The following CCDC33 variants were observed in gnomAD, a reference collection of about 807,000 sequenced individuals.
The protein encoded by CCDC33 is coiled-coil domain containing 33.
A neutral mutation model predicts 91.9 loss-of-function variants in CCDC33; 94 were observed. The ratio of observed to expected loss-of-function variants is 1.02; its 90% CI spans 0.87 to 1.21. The LOEUF is 1.21. Among genes scored for constraint, CCDC33 ranks in the 50% most tolerant of loss-of-function variants. The pLI is 0.00. For synonymous variants in CCDC33, 396 were observed against 374.5 expected (o/e 1.06, Z -0.66); for missense variants, 940 against 935.5 (o/e 1.00, Z -0.06).
chr15:74,258,645 CGCATGTGTGT>C (rs1174210765), intron 2 of CCDC33, among the ~76,000 whole-genome samples: 3 of 151,966 alleles, frequency 2.0e-5, no homozygotes, highest in South Asian at 2.1e-4. Context: ...TGCATTTGTG[CGCATGTGTGT>C]GCATGTGTGT....
rs2059339508 is a variant in CCDC33 at position 74,280,564 on chromosome 15, A to G, written c.890-104A>G. On this transcript the variant is annotated intron_variant, in intron 8 of 18. Transcript: ENST00000398814. ...TATGTGCAGGGAAAGGCCAGGAGGC[A>G]GGAAAGCAGGCAGCGGGAGACAGGA... 13 of 1,336,528 alleles carry G rather than the reference A, an allele frequency of 9.7e-6. No homozygotes were observed. In the East Asian group the frequency reaches 2.4e-4, roughly 24 times the overall value. 82.8% of individuals were successfully genotyped at this position (1,336,528 alleles called of 1,614,324 possible). A position where few individuals can be genotyped will look rare whatever the true frequency, so the allele number is the denominator to read the frequency against.
chr15:74,318,476 C>T, intron 11 of CCDC33: 1 of 573,840 alleles, frequency 1.7e-6, no homozygotes, highest in East Asian at 3.3e-5. Flanking sequence ...GGGAAGTGGC[C>T]CCATGGGCCT....
At chr15:74,326,474 G>A (rs536975887) in intron 11 of CCDC33, among the ~76,000 whole-genome samples, 61 of 152,320 alleles carry the variant, frequency 4.0e-4, no homozygotes, top group Non-Finnish European at 8.4e-4. Context: ...CCCATTCCAC[G>A]GATGAGGACG....
chr15:74,288,174 C>G (rs2142543191), intron 10 of CCDC33, among the ~76,000 whole-genome samples: 1 of 152,242 alleles, frequency 6.6e-6, no homozygotes, highest in African/African-American at 2.4e-5. Flanking sequence ...CTACTAGCTC[C>G]CTTCTAAACT....
rs372207931 is a variant in CCDC33, at chr15:74,330,178, G to A, written c.1291-11G>A. On this transcript the variant is annotated splice_polypyrimidine_tract_variant and intron_variant, in intron 11 of 18. Coordinates refer to ENST00000398814, the MANE Select transcript of CCDC33 (RefSeq NM_025055.5). The stretch of plus-strand genomic sequence containing the variant: ...GGCAGTGGGCTCAGCTCTGGGCTCT[G>A]GGATCCACAGGAGATGAACAACTAC... 1.1e-5 allele frequency: 18 copies of A among 1,591,508 alleles called. No homozygotes were observed. The African/African-American group carries it at 2.1e-4, about 19-fold the overall frequency.
At chr15:74,288,708 T>C (rs1396589949) in intron 10 of CCDC33, among the ~76,000 whole-genome samples, 1 of 152,166 alleles carries the variant, frequency 6.6e-6, no homozygotes, top group Non-Finnish European at 1.5e-5. Context: ...TGGACCCTGA[T>C]TTTATCATGC....
At chr15:74,299,629 A>G (rs1190927107) in intron 11 of CCDC33, 1 of 152,272 alleles carries the variant, frequency 6.6e-6, no homozygotes, top group Non-Finnish European at 1.5e-5. Flanking sequence ...CATCCAGCCA[A>G]GGAAATACTG....
chr15:74,219,972 G>A (rs2074547402), intron 2 of CCDC33, among the ~76,000 whole-genome samples: 1 of 152,178 alleles, frequency 6.6e-6, no homozygotes, highest in Non-Finnish European at 1.5e-5. Flanking sequence ...GCATTGGTCT[G>A]GTGCTGAAGT....
At chr15:74,226,503 G>A (rs1215799982) in intron 2 of CCDC33, among the ~76,000 whole-genome samples, 1 of 152,108 alleles carries the variant, frequency 6.6e-6, no homozygotes, top group Admixed American at 6.6e-5. Context: ...TCTATGGTGG[G>A]GTGGGATTCC....
At chr15:74,252,563 T>A (rs915601513) in intron 2 of CCDC33, among the ~76,000 whole-genome samples, 2 of 152,184 alleles carry the variant, frequency 1.3e-5, no homozygotes, top group African/African-American at 4.8e-5. Context: ...TATTCCCATG[T>A]GATAGTGGAG....
At chr15:74,334,000 T>A in intron 17 of CCDC33, 33 bp downstream of exon 17, 1 of 1,561,840 alleles carries the variant, frequency 6.4e-7, no homozygotes, top group Non-Finnish European at 8.8e-7. Context: ...TGAGGCTGGA[T>A]CAGGCTCACC....
upstream of CCDC33, chr15:74,213,102 G>C (rs2074383829): frequency 6.6e-6 from 1 of 152,076 alleles, no homozygotes; most frequent in African/African-American, 2.4e-5. Context: ...TGTAATCCCA[G>C]CTACTTGGGA....
rs1300143029 is a variant in CCDC33, at chr15:74,207,993, C to G, written n.90-1395C>G. 3 of 1,409,784 alleles carry G rather than the reference C, an allele frequency of 2.1e-6. No individual in the cohort carries two copies. The East Asian group carries it at 7.9e-5, about 37-fold the overall frequency. The allele number at this position is 1,409,784 out of a possible 1,614,324, so 87.3% of individuals were successfully genotyped here. On this transcript the variant is annotated intron_variant and non_coding_transcript_variant, in intron 1 of 3. Transcript: ENST00000558645. Reference sequence around the variant, plus strand: ...CTGCCATGTGGGAGGGTCAGAAGCACCATCTGATGTGCCCTTCCTGCAATT... The same window carrying G: ...CTGCCATGTGGGAGGGTCAGAAGCAGCATCTGATGTGCCCTTCCTGCAATT...
At chr15:74,221,224 T>A in intron 2 of CCDC33, 1 of 967,174 alleles carries the variant, frequency 1.0e-6, no homozygotes, top group Non-Finnish European at 1.2e-6. Flanking sequence ...TGGTTTTTTT[T>A]TTTTTTTTTT....
intron 1 of CCDC33, among the ~76,000 whole-genome samples, chr15:74,237,741 C>G (rs969861760): frequency 1.3e-5 from 2 of 152,206 alleles, no homozygotes; most frequent in African/African-American, 4.8e-5. Context: ...CCCCACAGAG[C>G]TGGATTTGGG....
Position 74,236,699 on chromosome 15 carries a change from G to A in CCDC33, c.-21G>A, listed in dbSNP as rs1323217204. The stretch of plus-strand genomic sequence containing the variant: ...TCCCCAAGATTGTTAAACAAGGCCA[G>A]ACACTCCTGGCCTCAAGAGGATGGG... On this transcript the variant is annotated 5_prime_UTR_variant, in exon 1 of 19. Coordinates refer to ENST00000398814, the MANE Select transcript of CCDC33 (RefSeq NM_025055.5). 1.2e-6 allele frequency: 2 copies of A among 1,613,190 alleles called. No homozygotes were observed. The highest frequency in any genetic ancestry group is 1.3e-5 in the African/African-American group (1 of 74,934).
At position 74,330,652 on chromosome 15, in the gene CCDC33, C is replaced by A; in HGVS notation, c.1457-11C>A. 6.2e-7 allele frequency: 1 copy of A among 1,610,274 alleles called. No individual in the cohort carries two copies. The highest frequency in any genetic ancestry group is 8.5e-7 in the Non-Finnish European group (1 of 1,177,376). ...TTCCTCCCTGAGCCAGCTCCCCAAC[C>A]CACCTAACAGTGTCCATGAAGCAGA... On this transcript the variant is annotated splice_polypyrimidine_tract_variant and intron_variant, in intron 12 of 18. Transcript: ENST00000398814.
chr15:74,266,537 C>A (rs2076170123), intron 3 of CCDC33, 141 bp from the exon 4 acceptor site: 1 of 676,818 alleles, frequency 1.5e-6, no homozygotes. Flanking sequence ...GTGATCCACA[C>A]ATGTGTGTGC....
At chr15:74,292,065 G>A (rs911309573) in intron 10 of CCDC33, among the ~76,000 whole-genome samples, 2 of 152,348 alleles carry the variant, frequency 1.3e-5, no homozygotes, top group Non-Finnish European at 2.9e-5. Flanking sequence ...CTGCAGCCAC[G>A]AAGCCATGGG....
Sources: allele counts gnomAD v4.1 joint callset (sites outside exome capture counted in the v4.1 genomes callset), GRCh38; gene constraint gnomAD v4.1.1; transcripts MANE v1.5; gene names NCBI Gene and HGNC (gene_info 2026-07-23, HGNC 2026-07-21).